ADIPOR2: variants seen among roughly 807,000 people sequenced by gnomAD.
ADIPOR2 encodes the protein adiponectin receptor protein 2.
ADIPOR2 carries 18 observed loss-of-function variants against 40.9 expected under a neutral mutation model. The observed-to-expected ratio is 0.44, with a 90% CI of 0.30 to 0.65. ADIPOR2 has a LOEUF of 0.65. Ranked by LOEUF, ADIPOR2 falls within the 30% of genes least tolerant of loss-of-function variation. ADIPOR2 has a pLI of 0.09. For synonymous variants in ADIPOR2, 165 were observed against 166.4 expected (o/e 0.99, Z 0.06); for missense variants, 283 against 479.2 (o/e 0.59, Z 3.82).
intron 1 of ADIPOR2, among the ~76,000 whole-genome samples, chr12:1,695,517 T>C (rs936509527): frequency 3.3e-5 from 5 of 151,572 alleles, no homozygotes; most frequent in African/African-American, 1.2e-4. Context: ...AAAAAAATTA[T>C]CTGGGTATGG....
chr12:1,782,878 A>C (rs946293190), intron 6 of ADIPOR2, among the ~76,000 whole-genome samples: 2 of 152,128 alleles, frequency 1.3e-5, no homozygotes, highest in Middle Eastern at 3.4e-3. Flanking sequence ...TCATTTGTTA[A>C]AGGCATTTAA....
Position 1,780,480 on chromosome 12 carries a change from T to A in ADIPOR2, c.493T>A (p.Phe165Ile), listed in dbSNP as rs774447126. The change falls in exon 5 of 8, where the codon TTT becomes ATT. Residue 165 changes from phenylalanine (F) to isoleucine (I), a missense_variant. Physicochemically the swap from Phe to Ile is conservative, Grantham distance 21. Transcript: ENST00000357103. The part of the protein sequence containing the change: ...GCVFFLCLGI[F>I]YMFRPNISFV... Reference sequence around the variant, plus strand: ...TGTATTCTTCCTGTGCCTGGGGATCTTTTATATGTTTCGCCCAAATATCTC... The same window carrying A: ...TGTATTCTTCCTGTGCCTGGGGATCATTTATATGTTTCGCCCAAATATCTC... 1.9e-6 allele frequency: 3 copies of A among 1,612,212 alleles called. No homozygotes were observed. The Admixed American group carries it at 5.0e-5, about 27-fold the overall frequency.
chr12:1,751,667 A>T (rs1486428294), intron 1 of ADIPOR2, among the ~76,000 whole-genome samples: 1 of 151,812 alleles, frequency 6.6e-6, no homozygotes, highest in Non-Finnish European at 1.5e-5. Flanking sequence ...GCCACGTGCC[A>T]CCACACCCGG....
intron 1 of ADIPOR2, among the ~76,000 whole-genome samples, chr12:1,750,441 C>T (rs542369245): frequency 5.1e-4 from 77 of 151,186 alleles, no homozygotes; most frequent in African/African-American, 1.9e-3. Context: ...GTGGTGTGCA[C>T]CTGTAATCCT....
At chr12:1,732,562 A>G (rs2094722577) in intron 1 of ADIPOR2, among the ~76,000 whole-genome samples, 1 of 152,196 alleles carries the variant, frequency 6.6e-6, no homozygotes, top group Non-Finnish European at 1.5e-5. Flanking sequence ...TTGACCTATT[A>G]AAGACTATCT....
At chr12:1,769,881 A>G (rs1269845227) in intron 2 of ADIPOR2, among the ~76,000 whole-genome samples, 2 of 150,866 alleles carry the variant, frequency 1.3e-5, no homozygotes, top group Non-Finnish European at 2.9e-5. Context: ...TCTTGCTGAT[A>G]TATTGGGATG....
chr12:1,761,126 T>C (rs1310974716), intron 2 of ADIPOR2: 1 of 152,188 alleles, frequency 6.6e-6, no homozygotes, highest in Non-Finnish European at 1.5e-5. Context: ...AACTATGTTA[T>C]AGGTATGTAT....
intron 1 of ADIPOR2, among the ~76,000 whole-genome samples, chr12:1,742,526 A>G (rs2094745240): frequency 6.6e-6 from 1 of 152,248 alleles, no homozygotes; most frequent in Admixed American, 6.5e-5. Flanking sequence ...TTCTGAGTAG[A>G]ATACAGTCAT....
intron 2 of ADIPOR2, among the ~76,000 whole-genome samples, chr12:1,764,312 C>T (rs1373013638): frequency 1.3e-5 from 2 of 152,140 alleles, no homozygotes; most frequent in African/African-American, 4.8e-5. Flanking sequence ...GGTATCTTTG[C>T]TTAAGCAGCC....
intron 2 of ADIPOR2, among the ~76,000 whole-genome samples, chr12:1,755,738 A>G (rs1258780427): frequency 6.6e-6 from 1 of 152,198 alleles, no homozygotes; most frequent in Non-Finnish European, 1.5e-5. Context: ...TTAATGTTTT[A>G]TTACTAGTAC....
chr12:1,732,787 A>T (rs778802676), intron 1 of ADIPOR2, among the ~76,000 whole-genome samples: 1 of 152,172 alleles, frequency 6.6e-6, no homozygotes, highest in Non-Finnish European at 1.5e-5. Flanking sequence ...AACAATCTTC[A>T]TGCTGTTTTT....
chr12:1,749,254 C>G (rs2094763701), intron 1 of ADIPOR2, among the ~76,000 whole-genome samples: 1 of 152,138 alleles, frequency 6.6e-6, no homozygotes, highest in Non-Finnish European at 1.5e-5. Flanking sequence ...TGAACCCTGT[C>G]CTCTTGGGTT....
At chr12:1,694,158 A>T (rs904985611) in intron 1 of ADIPOR2, among the ~76,000 whole-genome samples, 10 of 152,352 alleles carry the variant, frequency 6.6e-5, no homozygotes, top group Non-Finnish European at 1.2e-4. Flanking sequence ...GCAAGGAGAA[A>T]AATTAAGTAA....
intron 3 of ADIPOR2, among the ~76,000 whole-genome samples, chr12:1,773,230 C>G (rs915228112): frequency 2.0e-5 from 3 of 152,176 alleles, no homozygotes; most frequent in Admixed American, 1.3e-4. Context: ...GAGTAAATGT[C>G]TTATTGGTGG....
chr12:1,742,465 T>G (rs2094745059), intron 1 of ADIPOR2, among the ~76,000 whole-genome samples: 3 of 152,190 alleles, frequency 2.0e-5, no homozygotes, highest in Admixed American at 6.5e-5. Context: ...AACCACTAGA[T>G]GGCTAATTTT....
intron 2 of ADIPOR2, chr12:1,757,629 G>GC: frequency 7.7e-7 from 1 of 1,296,772 alleles, no homozygotes; most frequent in Non-Finnish European, 1.1e-6. Context: ...TTCCTTTTGT[G>GC]CCCCCAGAGA....
chr12:1,740,247 T>C (rs576024417), intron 1 of ADIPOR2, among the ~76,000 whole-genome samples: 4 of 152,332 alleles, frequency 2.6e-5, no homozygotes, highest in African/African-American at 9.6e-5. Context: ...GAAAGCCAAG[T>C]GTATTGATTT....
At chr12:1,734,075 T>G (rs1413994969) in intron 1 of ADIPOR2, among the ~76,000 whole-genome samples, 2 of 152,092 alleles carry the variant, frequency 1.3e-5, no homozygotes, top group Non-Finnish European at 2.9e-5. Flanking sequence ...AAACATACGT[T>G]TGCGTGTGTC....
At chr12:1,701,263 G>A (rs746924374) in intron 1 of ADIPOR2, among the ~76,000 whole-genome samples, 21 of 151,764 alleles carry the variant, frequency 1.4e-4, no homozygotes, top group Non-Finnish European at 2.5e-4. Context: ...AAGTAGCTGG[G>A]AACTCAGGTT....
Sources: allele counts gnomAD v4.1 joint callset (sites outside exome capture counted in the v4.1 genomes callset), GRCh38; gene constraint gnomAD v4.1.1; transcripts MANE v1.5; gene names NCBI Gene and HGNC (gene_info 2026-07-23, HGNC 2026-07-21).